Variants in CNTNAP2 observed in about 807,000 individuals in gnomAD.
CNTNAP2 encodes contactin-associated protein-like 2.
CNTNAP2 carries 98 observed loss-of-function variants against 155.2 expected under a neutral mutation model. That is an observed-to-expected ratio of 0.63 (90% confidence interval 0.54 to 0.75). CNTNAP2 has a LOEUF of 0.75. Ranked by LOEUF, CNTNAP2 falls within the 30% of genes least tolerant of loss-of-function variation. The probability of loss-of-function intolerance (pLI) is 0.00; values close to 1 mark genes in which losing one functional copy is unlikely to be tolerated. For missense variants in CNTNAP2, 1,727 were observed against 1,688.1 expected (o/e 1.02, Z -0.40); for synonymous variants, 651 against 631.2 (o/e 1.03, Z -0.47).
At chr7:146,710,117 C>T (rs1379570773) in intron 1 of CNTNAP2, among the ~76,000 whole-genome samples, 1 of 152,108 alleles carries the variant, frequency 6.6e-6, no homozygotes, top group Non-Finnish European at 1.5e-5. Context: ...GGAAGTGTGG[C>T]TCACAATTGG....
intron 9 of CNTNAP2, among the ~76,000 whole-genome samples, chr7:147,303,512 T>G (rs941014561): frequency 6.6e-6 from 1 of 152,186 alleles, no homozygotes. Flanking sequence ...ATACCATCTG[T>G]GCTGAAAATT....
chr7:146,639,272 T>TA (rs1367934611), intron 1 of CNTNAP2, among the ~76,000 whole-genome samples: 1 of 152,202 alleles, frequency 6.6e-6, no homozygotes, highest in African/African-American at 2.4e-5. Context: ...TGTTCACTAC[T>TA]TTAAAAGCTG....
intron 8 of CNTNAP2, among the ~76,000 whole-genome samples, chr7:147,278,874 G>T (rs1804965278): frequency 6.6e-6 from 1 of 151,134 alleles, no homozygotes; most frequent in Non-Finnish European, 1.5e-5. Flanking sequence ...TTATAATTCT[G>T]CATCTGTGAT....
At chr7:147,667,843 C>G (rs1330034357) in intron 13 of CNTNAP2, among the ~76,000 whole-genome samples, 1 of 150,760 alleles carries the variant, frequency 6.6e-6, no homozygotes. Flanking sequence ...TAAAAGATAC[C>G]AATGCAATTC....
intron 1 of CNTNAP2, among the ~76,000 whole-genome samples, chr7:146,269,859 C>A (rs1199204216): frequency 6.6e-6 from 1 of 152,174 alleles, no homozygotes; most frequent in Non-Finnish European, 1.5e-5. Context: ...CCTGAACTGG[C>A]CAACCATGAC....
At chr7:148,268,722 G>A (rs1796720879) in intron 21 of CNTNAP2, among the ~76,000 whole-genome samples, 2 of 152,190 alleles carry the variant, frequency 1.3e-5, no homozygotes, top group African/African-American at 2.4e-5. Flanking sequence ...TCCAGTTTAA[G>A]CACTTGACAG....
chr7:147,281,773 T>C (rs1235756910), intron 8 of CNTNAP2, among the ~76,000 whole-genome samples: 1 of 151,936 alleles, frequency 6.6e-6, no homozygotes, highest in Non-Finnish European at 1.5e-5. Flanking sequence ...GTAAAATTGA[T>C]GAATTTGGTG....
chr7:146,731,846 A>C (rs896904256), intron 1 of CNTNAP2, among the ~76,000 whole-genome samples: 3 of 152,168 alleles, frequency 2.0e-5, no homozygotes, highest in Admixed American at 1.3e-4. Flanking sequence ...GAAAGTATTA[A>C]ATAATTTTTT....
intron 1 of CNTNAP2, chr7:146,311,783 G>C (rs943016120): frequency 6.0e-5 from 9 of 151,248 alleles, no homozygotes; most frequent in Non-Finnish European, 1.2e-4. Flanking sequence ...AGATTTATTT[G>C]TCCCATCTCT....
chr7:148,165,672 T>C (rs1805641455), intron 17 of CNTNAP2, among the ~76,000 whole-genome samples: 1 of 152,086 alleles, frequency 6.6e-6, no homozygotes. Flanking sequence ...CCTGGGAAGC[T>C]CACATGCCAT....
intron 13 of CNTNAP2, among the ~76,000 whole-genome samples, chr7:147,838,030 G>C (rs1437227569): frequency 1.3e-5 from 2 of 152,212 alleles, no homozygotes; most frequent in East Asian, 3.9e-4. Flanking sequence ...TCTAGGTGGA[G>C]GGTCTCAAAC....
intron 1 of CNTNAP2, among the ~76,000 whole-genome samples, chr7:146,257,381 C>T (rs576069768): frequency 6.6e-6 from 1 of 152,270 alleles, no homozygotes; most frequent in South Asian, 2.1e-4. Flanking sequence ...TGCTCTGTTT[C>T]CCTTTCTGTG....
At chr7:146,838,607 T>G (rs1446643161) in intron 2 of CNTNAP2, among the ~76,000 whole-genome samples, 1 of 130,490 alleles carries the variant, frequency 7.7e-6, no homozygotes, top group Admixed American at 7.1e-5. Context: ...CGTGAGCCAC[T>G]GAGCCCAGTC....
At chr7:146,373,963 T>A (rs1584895003) in intron 1 of CNTNAP2, among the ~76,000 whole-genome samples, 1 of 152,280 alleles carries the variant, frequency 6.6e-6, no homozygotes, top group South Asian at 2.1e-4. Context: ...AATCATGTAG[T>A]TTTTCAAAAT....
chr7:147,343,528 C>A (rs1227164676), intron 9 of CNTNAP2, among the ~76,000 whole-genome samples: 2 of 151,926 alleles, frequency 1.3e-5, no homozygotes, highest in Non-Finnish European at 2.9e-5. Context: ...CTAGAGAAAG[C>A]CTTTATTTAC....
intron 21 of CNTNAP2, among the ~76,000 whole-genome samples, chr7:148,271,024 C>A (rs1796768574): frequency 6.6e-6 from 1 of 152,178 alleles, no homozygotes; most frequent in Admixed American, 6.5e-5. Flanking sequence ...TCAAAAAATA[C>A]TTGTGGAGTA....
chr7:146,912,294 G>T (rs989599867), intron 3 of CNTNAP2, among the ~76,000 whole-genome samples: 4 of 150,494 alleles, frequency 2.7e-5, no homozygotes, highest in African/African-American at 9.8e-5. Flanking sequence ...TTTTGACAAT[G>T]TAATTCTGTT....
intron 13 of CNTNAP2, among the ~76,000 whole-genome samples, chr7:147,791,205 G>A (rs541158685): frequency 6.6e-6 from 1 of 151,762 alleles, no homozygotes; most frequent in African/African-American, 2.4e-5. Flanking sequence ...TTTCAGTAAA[G>A]CCAGTTTCTC....
intron 12 of CNTNAP2, 142 bp from the exon 13 acceptor site, chr7:147,638,964 G>C: frequency 1.2e-6 from 1 of 841,998 alleles, no homozygotes. Context: ...AGAGCAGGGG[G>C]TTTTAAGGAT....
Sources: allele counts gnomAD v4.1 joint callset (sites outside exome capture counted in the v4.1 genomes callset), GRCh38; gene constraint gnomAD v4.1.1; transcripts MANE v1.5; gene names NCBI Gene and HGNC (gene_info 2026-07-23, HGNC 2026-07-21).